The following ELP6 variants were observed in gnomAD, a reference collection of about 807,000 sequenced individuals.
The protein encoded by ELP6 is elongator complex protein 6.
A neutral mutation model predicts 28.1 loss-of-function variants in ELP6; 23 were observed. That is an observed-to-expected ratio of 0.82 (90% CI 0.59 to 1.16). ELP6 has a LOEUF of 1.16. Ranked by LOEUF, ELP6 falls within the 50% of genes most tolerant of loss-of-function variation. The pLI is 0.00. For synonymous variants in ELP6, 132 were observed against 135.8 expected (o/e 0.97, Z 0.19); for missense variants, 313 against 334.6 (o/e 0.94, Z 0.50).
chr3:47,499,863 A>G, intron 5 of ELP6: 1 of 1,229,090 alleles, frequency 8.1e-7, no homozygotes, highest in Non-Finnish European at 1.0e-6. Context: ...AAATAACTCC[A>G]GGAGAAGCTG....
rs983630602 is a variant in ELP6 at position 47,513,663 on chromosome 3, A to G, written c.-73T>C. The G allele has an allele frequency of 3.2e-6, 5 of 1,584,308 alleles. No individual in the cohort carries two copies. Among genetic ancestry groups the G allele is most frequent in the Non-Finnish European group, 4.3e-6 (5 of 1,158,476 alleles). On this transcript the variant is annotated 5_prime_UTR_variant, in exon 1 of 7. Transcript: ENST00000296149. ...AGAGACGACGGAGGCTGGAGAGCAA[A>G]ACACACCCGACAGCCCGGCTCGCGC...
Position 47,496,131 on chromosome 3 carries a change from A to C in ELP6, c.739T>G (p.Tyr247Asp). The C allele has an allele frequency of 6.2e-7, 1 of 1,614,128 alleles. No homozygotes were observed. Among genetic ancestry groups the C allele is most frequent in the Non-Finnish European group, 8.5e-7 (1 of 1,180,024 alleles). Residue 247 changes from tyrosine to aspartate, a missense_variant, in exon 7 of 7, where the codon TAT (tyrosine) becomes GAT (aspartate). Transcript: ENST00000296149. ...VHRDQSFTYQYKIQDKSVSFF... is the reference protein window; with the variant it reads ...VHRDQSFTYQDKIQDKSVSFF... The stretch of plus-strand genomic sequence containing the variant: ...GACACGCTTTTGTCCTGTATCTTAT[A>C]CTGGTAAGTGAAGCTCTGATCCCGG...
At chr3:47,512,899 G>T (rs894824750) in intron 1 of ELP6, 42 of 985,514 alleles carry the variant, frequency 4.3e-5, no homozygotes, top group Middle Eastern at 5.2e-4. Flanking sequence ...CTGAGCGCCT[G>T]GGACCCCCCA....
chr3:47,505,585 T>C (rs1289064543), intron 3 of ELP6, among the ~76,000 whole-genome samples: 1 of 151,964 alleles, frequency 6.6e-6, no homozygotes, highest in Non-Finnish European at 1.5e-5. Context: ...TATTTATTTA[T>C]TTAGAGATGG....
chr3:47,502,344 A>C (rs941764186), intron 4 of ELP6: 1 of 895,502 alleles, frequency 1.1e-6, no homozygotes, highest in Non-Finnish European at 1.3e-6. Flanking sequence ...TGGGAGACGG[A>C]AGTTGCAGTG....
rs72913126 is a variant in ELP6, at chr3:47,496,025, G to A, written c.*44C>T. ...CTTGCTATGTTGCTCTATCTTCCACGTCCAAAAACAGTCCTATGTAGCTTC... is the reference window on the plus strand; with the variant it reads ...CTTGCTATGTTGCTCTATCTTCCACATCCAAAAACAGTCCTATGTAGCTTC... On this transcript the variant is annotated 3_prime_UTR_variant, in exon 7 of 7. Coordinates refer to ENST00000296149, the MANE Select transcript of ELP6 (RefSeq NM_001031703.3). The A allele has an allele frequency of 0.014, 23,374 of 1,612,484 alleles. 2,907 individuals are homozygous for A. In the African/African-American group the frequency reaches 0.27, roughly 19 times the overall value.
chr3:47,507,932 C>T (rs988416884), intron 3 of ELP6, among the ~76,000 whole-genome samples: 2 of 127,940 alleles, frequency 1.6e-5, no homozygotes, highest in Non-Finnish European at 3.5e-5. Flanking sequence ...GATCATCATT[C>T]AAAGGTAAAA....
Position 47,495,865 on chromosome 3 carries a change from G to T in ELP6, c.*204C>A, listed in dbSNP as rs181714161. Reference sequence around the variant, plus strand: ...CCAGCCTCTCTCTCAGCAAAGGCAGGATTGTGGTCCCTTGTGTTTTCTGAA... The same window carrying T: ...CCAGCCTCTCTCTCAGCAAAGGCAGTATTGTGGTCCCTTGTGTTTTCTGAA... On this transcript the variant is annotated 3_prime_UTR_variant, in exon 7 of 7. Coordinates refer to ENST00000296149, the MANE Select transcript of ELP6 (RefSeq NM_001031703.3). 4.0e-6 allele frequency: 3 copies of T among 742,526 alleles called. No homozygotes were observed. Among genetic ancestry groups the T allele is most frequent in the East Asian group, 3.3e-5 (1 of 29,998 alleles). The allele number at this position is 742,526 out of a possible 1,614,324, so 46.0% of individuals were successfully genotyped here. A position where few individuals can be genotyped will look rare whatever the true frequency, so the allele number is the denominator to read the frequency against.
chr3:47,509,773 C>CTT (rs141981098), intron 3 of ELP6, among the ~76,000 whole-genome samples: 142 of 141,624 alleles, frequency 1.0e-3, no homozygotes, highest in African/African-American at 3.0e-3. Flanking sequence ...CCCAAGATTT[C>CTT]TTTTTTTTTT....
intron 3 of ELP6, among the ~76,000 whole-genome samples, chr3:47,506,441 T>C (rs956833885): frequency 6.6e-6 from 1 of 152,166 alleles, no homozygotes; most frequent in Admixed American, 6.6e-5. Flanking sequence ...ATTTCATCCC[T>C]ACAGCCTCGA....
At position 47,511,189 on chromosome 3, in the gene ELP6, C is replaced by T; in HGVS notation, c.92G>A (p.Gly31Glu). 6.2e-7 allele frequency: 1 copy of T among 1,614,096 alleles called. No homozygotes were observed. The stretch of plus-strand genomic sequence containing the variant: ...GAGAAAGTGGTGTACAAGGAAACTC[C>T]CATCTGTCTTGGCATCACAGAGTAG... ...LTLLCDAKTD[G>E]SFLVHHFLSF... Residue 31 changes from glycine to glutamate, a missense_variant, in exon 2 of 7, where the codon GGG (glycine) becomes GAG (glutamate). Coordinates refer to ENST00000296149, the MANE Select transcript of ELP6 (RefSeq NM_001031703.3).
intron 3 of ELP6, among the ~76,000 whole-genome samples, chr3:47,506,606 C>T (rs542639912): frequency 1.5e-3 from 236 of 152,312 alleles, no homozygotes; most frequent in African/African-American, 5.3e-3. Flanking sequence ...CTGTTCCGCC[C>T]GGCTCACCAG....
rs186653204 is a variant in ELP6 at position 47,508,257 on chromosome 3, T to A, written c.204+1927A>T. Among the ~76,000 whole-genome samples the A allele has an allele frequency of 5.2e-3, 789 of 152,320 alleles. 8 individuals are homozygous for A. The highest frequency in any genetic ancestry group is 8.6e-3 in the Non-Finnish European group (586 of 68,028). On this transcript the variant is annotated intron_variant, in intron 3 of 6. Coordinates refer to ENST00000296149, the MANE Select transcript of ELP6 (RefSeq NM_001031703.3). ...TATTTTTATGTATGTATGTATGTAT[T>A]TATTGAGATGGAGTCTTGCTCTTTC... is the stretch of plus-strand genomic sequence containing the variant.
chr3:47,504,785 G>C (rs759037945), intron 3 of ELP6: 1 of 301,020 alleles, frequency 3.3e-6, no homozygotes, highest in African/African-American at 2.3e-5. Context: ...GCAAGACCTC[G>C]TCTCTACAAA....
rs754360147 is a variant in ELP6 at position 47,513,562 on chromosome 3, T to G, written c.29A>C (p.Asn10Thr). The change falls in exon 1 of 7, where the codon AAC becomes ACC. Residue 10 changes from asparagine to threonine, a missense_variant. Coordinates refer to ENST00000296149, the MANE Select transcript of ELP6 (RefSeq NM_001031703.3). MFVELNNLL[N>T]TTPDRAEQGK... ...CTGCTCCGCCCTGTCGGGGGTGGTG[T>G]TAAGCAGGTTATTAAGTTCCACGAA... 5 of 1,613,090 alleles carry G rather than the reference T, an allele frequency of 3.1e-6. No homozygotes were observed. The highest frequency in any genetic ancestry group is 2.2e-5 in the East Asian group (1 of 44,762).
intron 1 of ELP6, 29 bp from the exon 2 acceptor site, chr3:47,511,255 T>C (rs1462243715): frequency 1.9e-6 from 3 of 1,611,220 alleles, no homozygotes; most frequent in Non-Finnish European, 1.7e-6. Flanking sequence ...ACAAAAAGGT[T>C]AGACTCCCTG....
chr3:47,496,162 T>C lies in ELP6; in HGVS notation c.708A>G (p.Ala236=). The change falls in exon 7 of 7, where the codon GCA becomes GCG. Residue 236 remains alanine, a synonymous_variant. Coordinates refer to ENST00000296149, the MANE Select transcript of ELP6 (RefSeq NM_001031703.3). ...RILWRRPSQP[A]VHRDQSFTYQ... is the part of the protein sequence containing the mutation. ...AAGTGAAGCTCTGATCCCGGTGGAC[T>C]GCGGGCTGCGATGGTCTCCTCCACA... 1.2e-6 allele frequency: 2 copies of C among 1,614,128 alleles called. No individual in the cohort carries two copies. Among genetic ancestry groups the C allele is most frequent in the South Asian group, 2.2e-5 (2 of 91,076 alleles).
At chr3:47,499,098 C>T (rs1324741135) in intron 5 of ELP6, among the ~76,000 whole-genome samples, 3 of 152,214 alleles carry the variant, frequency 2.0e-5, no homozygotes, top group Non-Finnish European at 2.9e-5. Context: ...ATAAAGCTGG[C>T]CGGGGACAGT....
intron 2 of ELP6, 46 bp from the exon 3 acceptor site, chr3:47,510,300 C>G: frequency 6.5e-7 from 1 of 1,539,528 alleles, no homozygotes; most frequent in Non-Finnish European, 8.9e-7. Context: ...TGGTTACAAC[C>G]AGACTCACTG....
Sources: gnomAD v4.1 joint callset for allele counts (sites outside exome capture counted in the v4.1 genomes callset) on GRCh38, gnomAD v4.1.1 for gene constraint, MANE v1.5 for transcripts, NCBI Gene and HGNC (gene_info 2026-07-23, HGNC 2026-07-21) for gene names.